DNAH1: variants seen among roughly 807,000 people sequenced by gnomAD.
DNAH1 encodes the protein axonemal beta dynein heavy chain 1.
Under a neutral mutation model 484.3 loss-of-function variants are expected in DNAH1, and 327 were observed. The ratio of observed to expected loss-of-function variants is 0.68; its 90% CI spans 0.62 to 0.74. The LOEUF (loss-of-function observed/expected upper bound fraction) is 0.74. Among genes scored for constraint, DNAH1 ranks in the 30% least tolerant of loss-of-function variants. DNAH1 has a pLI of 0.00. For missense variants in DNAH1, 5,052 were observed against 5,546.8 expected (o/e 0.91, Z 2.83); for synonymous variants, 2,192 against 2,191.9 (o/e 1.00, Z 0.00).
rs764911487 is a variant in DNAH1, at chr3:52,380,098, A to G, written c.7571A>G (p.Asp2524Gly). 12 of 1,604,116 alleles carry G rather than the reference A, an allele frequency of 7.5e-6. No homozygotes were observed. The African/African-American group carries it at 1.3e-4, about 18-fold the overall frequency. Reference sequence around the variant, plus strand: ...GGGGACTTCATGTCACCAGGCTCCGATGTCAAGTCCTACGAGCTCATCACC... The same window carrying G: ...GGGGACTTCATGTCACCAGGCTCCGGTGTCAAGTCCTACGAGCTCATCACC... ...LYGDFMSPGS[D>G]VKSYELITSE... Residue 2524 changes from aspartate (D) to glycine (G), a missense_variant, in exon 48 of 78, where the codon GAT becomes GGT. By Grantham distance (94) the Asp-to-Gly change is moderately conservative. Transcript: ENST00000420323.
chr3:52,361,712 G>C lies in DNAH1; in HGVS notation c.4926G>C (p.Val1642=). ...AGTTCAATCGCATCGACATCGAGGTGCTGTCTGTGGTGGCGCAGCAGATCA... is the reference window on the plus strand; with the variant it reads ...AGTTCAATCGCATCGACATCGAGGTCCTGTCTGTGGTGGCGCAGCAGATCA... ...FDEFNRIDIE[V]LSVVAQQITT... Residue 1642 remains valine, a synonymous_variant, in exon 30 of 78, where the codon GTG becomes GTC. Transcript: ENST00000420323. This position sits in a 1 kb window ranked among gnomAD's most constrained non-coding sequence, Gnocchi z 5.6. 1 of 1,611,660 alleles carries C rather than the reference G, an allele frequency of 6.2e-7. No individual in the cohort carries two copies. The highest frequency in any genetic ancestry group is 1.1e-5 in the South Asian group (1 of 90,426).
At chr3:52,328,484 C>G (rs1456624384) in intron 6 of DNAH1, among the ~76,000 whole-genome samples, 1 of 152,230 alleles carries the variant, frequency 6.6e-6, no homozygotes, top group Non-Finnish European at 1.5e-5. Flanking sequence ...CTGTCATACA[C>G]ACCCCCAACA....
Position 52,359,344 on chromosome 3 carries a change from C to A in DNAH1, c.4365C>A (p.Ala1455=). Reference sequence around the variant, plus strand: ...TGGAGGTGGCAGAGGCTCTGGAGGCCGGCAACCTCAGAAGCCAACTGTTCC... The same window carrying A: ...TGGAGGTGGCAGAGGCTCTGGAGGCAGGCAACCTCAGAAGCCAACTGTTCC... ...WTMEVAEALE[A]GNLRSQLFPQ... The change falls in exon 26 of 78, where the codon GCC becomes GCA. Residue 1455 remains alanine, a synonymous_variant. Coordinates refer to ENST00000420323, the MANE Select transcript of DNAH1 (RefSeq NM_015512.5). 1 of 1,570,576 alleles carries A rather than the reference C, an allele frequency of 6.4e-7. No homozygotes were observed. The highest frequency in any genetic ancestry group is 2.4e-5 in the East Asian group (1 of 42,444).
rs1027796156 is a variant in DNAH1 at position 52,332,172 on chromosome 3, G to A, written c.1064G>A (p.Trp355Ter). Reference sequence around the variant, plus strand: ...CCACCCCTTCAGGTCTGTCAGTACTGGGTGCCACGGATCCAGCTTCTCTTC... The same window carrying A: ...CCACCCCTTCAGGTCTGTCAGTACTAGGTGCCACGGATCCAGCTTCTCTTC... ...GRPPLQVCQY[W>*]VPRIQLLFCA... The change falls in exon 8 of 78, where the codon TGG becomes TAG. Residue 355 changes from tryptophan (W) to a stop codon, truncating the protein, a stop_gained. Coordinates refer to ENST00000420323, the MANE Select transcript of DNAH1 (RefSeq NM_015512.5). LOFTEE classifies it high-confidence loss of function. The A allele has an allele frequency of 3.8e-6, 6 of 1,577,652 alleles. No individual in the cohort carries two copies. The highest frequency in any genetic ancestry group is 5.2e-6 in the Non-Finnish European group (6 of 1,161,224).
At chr3:52,339,675 T>C (rs1223175998) in intron 8 of DNAH1, among the ~76,000 whole-genome samples, 1 of 152,146 alleles carries the variant, frequency 6.6e-6, no homozygotes, top group Non-Finnish European at 1.5e-5. Context: ...ATGTAGACGG[T>C]GTTCACCTAT....
chr3:52,397,694 TC>T lies in DNAH1; in HGVS notation c.11788-11del, dbSNP rs781175844. 13 of 1,581,230 alleles carry T rather than the reference TC, an allele frequency of 8.2e-6. No individual in the cohort carries two copies. Among genetic ancestry groups the T allele is most frequent in the Middle Eastern group, 1.7e-4 (1 of 5,918 alleles). ...CAAGCCAGGGGCTTCCATGTTGGCC[TC>T]CTCTCTCCTAGGGCTACCTCTCCTA... is the stretch of plus-strand genomic sequence containing the variant. On this transcript the variant is annotated splice_polypyrimidine_tract_variant and intron_variant, in intron 73 of 77. Transcript: ENST00000420323.
At chr3:52,318,326 G>A (rs1472052139) in intron 1 of DNAH1, among the ~76,000 whole-genome samples, 3 of 152,222 alleles carry the variant, frequency 2.0e-5, no homozygotes, top group Admixed American at 6.5e-5. Context: ...GATTACAGGC[G>A]TGAGCCACTG....
intron 48 of DNAH1, 142 bp downstream of exon 48, chr3:52,380,277 C>G: frequency 2.9e-6 from 2 of 695,482 alleles, no homozygotes; most frequent in Non-Finnish European, 4.8e-6. Context: ...ACAGCCAGCT[C>G]CAGGAGACTC....
In DNAH1 at chr3:52,361,627, CAT is replaced by C. The variant is rs1320113098; in HGVS notation, c.4875-33_4875-32del. ...AGGTGCCCAGATTGGGCTCTGAACACATGTGCCCCATCCAATGTTCCGGCCTC... is the reference window on the plus strand; with the variant it reads ...AGGTGCCCAGATTGGGCTCTGAACACGTGCCCCATCCAATGTTCCGGCCTC... On this transcript the variant is annotated intron_variant, in intron 29 of 77. Coordinates refer to ENST00000420323, the MANE Select transcript of DNAH1 (RefSeq NM_015512.5). This position sits in a 1 kb window ranked among gnomAD's most constrained non-coding sequence, Gnocchi z 5.6. The C allele has an allele frequency of 1.3e-6, 2 of 1,567,320 alleles. No homozygotes were observed. The highest frequency in any genetic ancestry group is 1.7e-6 in the Non-Finnish European group (2 of 1,155,156).
rs1704864364 is a variant in DNAH1, at chr3:52,400,414, G to C, written c.12766G>C (p.Gly4256Arg). Residue 4256 changes from glycine to arginine, a missense_variant, in exon 78 of 78, where the codon GGT becomes CGT. This residue lies in a region of DNAH1 where 853 missense variants were observed against 899.0 expected (regional missense o/e 0.95). Coordinates refer to ENST00000420323, the MANE Select transcript of DNAH1 (RefSeq NM_015512.5). ...HQPQRHWIKRGVALICALDY is the reference protein window; with the variant it reads ...HQPQRHWIKRRVALICALDY ...GCCCCAGCGACACTGGATAAAGCGT[G>C]GTGTGGCCCTCATCTGTGCCCTGGA... The C allele has an allele frequency of 1.2e-6, 2 of 1,613,958 alleles. No individual in the cohort carries two copies. Among genetic ancestry groups the C allele is most frequent in the African/African-American group, 1.3e-5 (1 of 74,948 alleles).
intron 7 of DNAH1, among the ~76,000 whole-genome samples, chr3:52,331,586 C>T (rs531057949): frequency 7.3e-5 from 11 of 151,536 alleles, no homozygotes; most frequent in Middle Eastern, 3.4e-3. Context: ...CTTGAACAGC[C>T]ATGCCTGTAT....
chr3:52,373,713 C>G, intron 44 of DNAH1: 2 of 1,370,360 alleles, frequency 1.5e-6, no homozygotes, highest in African/African-American at 1.4e-5. Flanking sequence ...GTGTTGCGTC[C>G]TTTTTGACTT....
chr3:52,382,662 T>C (rs552743439), intron 50 of DNAH1, among the ~76,000 whole-genome samples: 2 of 152,122 alleles, frequency 1.3e-5, no homozygotes, highest in African/African-American at 2.4e-5. Context: ...AGGTGGGGTA[T>C]AGATCATCAC....
chr3:52,369,753 C>T (rs1466637563), intron 37 of DNAH1, 72 bp from the exon 38 acceptor site: 2 of 1,501,674 alleles, frequency 1.3e-6, no homozygotes, highest in Non-Finnish European at 1.8e-6. Context: ...CCCCTCCCCG[C>T]AGCCCTGCAG....
intron 1 of DNAH1, among the ~76,000 whole-genome samples, chr3:52,321,071 A>G (rs1368798727): frequency 2.6e-5 from 4 of 151,050 alleles, no homozygotes; most frequent in Non-Finnish European, 5.9e-5. Flanking sequence ...AAGTGCTGGG[A>G]TTACAGGCAT....
Position 52,358,688 on chromosome 3 carries a change from A to C in DNAH1, c.4217A>C (p.Lys1406Thr). 6.2e-7 allele frequency: 1 copy of C among 1,613,024 alleles called. No individual in the cohort carries two copies. Among genetic ancestry groups the C allele is most frequent in the Non-Finnish European group, 8.5e-7 (1 of 1,179,726 alleles). Residue 1406 changes from lysine (K) to threonine (T), a missense_variant, in exon 25 of 78, where the codon AAG becomes ACG. Lys to Thr is a moderately conservative substitution (Grantham distance 78, BLOSUM62 -1). Around this residue, in one of 4 missense-constraint regions of DNAH1, gnomAD observed 2,929 missense variants for 3,409.4 expected, o/e 0.86. Transcript: ENST00000420323. This position sits in a 1 kb window ranked among gnomAD's most constrained non-coding sequence, Gnocchi z 4.2. ...DWLREVERSM[K>T]ASVHDIIEKA... is the part of the protein sequence containing the mutation. Reference sequence around the variant, plus strand: ...CTGCGGGAGGTGGAGCGCAGCATGAAGGCCAGTGTGCACGACATCATTGAG... The same window carrying C: ...CTGCGGGAGGTGGAGCGCAGCATGACGGCCAGTGTGCACGACATCATTGAG...
intron 36 of DNAH1, 140 bp downstream of exon 36, chr3:52,367,027 T>TG (rs1703111170): frequency 1.9e-6 from 2 of 1,077,576 alleles, no homozygotes; most frequent in Non-Finnish European, 1.3e-6. Flanking sequence ...TTCTCCATTC[T>TG]ACTTCCTCGC....
rs781034771 is a variant in DNAH1, at chr3:52,370,832, G to C, written c.6525+7G>C. 6.3e-7 allele frequency: 1 copy of C among 1,584,218 alleles called. No homozygotes were observed. Among genetic ancestry groups the C allele is most frequent in the South Asian group, 1.2e-5 (1 of 86,474 alleles). On this transcript the variant is annotated splice_region_variant and intron_variant, in intron 41 of 77. Transcript: ENST00000420323. ...AGAGGAGGAATACAAGCAGGTGGCC[G>C]CAGGCCCTCCCCAGAGACTGCACAG...
chr3:52,341,004 C>G (rs1480919781), intron 8 of DNAH1, among the ~76,000 whole-genome samples: 2 of 151,334 alleles, frequency 1.3e-5, no homozygotes, highest in Non-Finnish European at 2.9e-5. Context: ...TCCTTCCTTC[C>G]TAGGATGTGT....
Sources: gnomAD v4.1 joint callset for allele counts (sites outside exome capture counted in the v4.1 genomes callset) on GRCh38, gnomAD v4.1.1 for gene constraint, gnomAD v4.1.1 regional missense constraint, Gnocchi (gnomAD v3.1) non-coding constraint, MANE v1.5 for transcripts, NCBI Gene and HGNC (gene_info 2026-07-23, HGNC 2026-07-21) for gene names.